PTPRD: variants seen among roughly 807,000 people sequenced by gnomAD.
The protein encoded by PTPRD is receptor-type tyrosine-protein phosphatase delta.
In PTPRD, 34 loss-of-function variants were observed where a neutral mutation model predicts 214.5. The observed-to-expected ratio is 0.16, with a 90% CI of 0.12 to 0.21. The LOEUF is 0.21. PTPRD is among the 10% of genes least tolerant of loss of function. The pLI, the probability that PTPRD is intolerant of heterozygous loss-of-function variation, is 1.00. For synonymous variants in PTPRD, 1,128 were observed against 845.7 expected, an observed-to-expected ratio of 1.33 and a Z score of -5.79; for missense variants, 2,545 against 2,398.7, an observed-to-expected ratio of 1.06 and a Z score of -1.27.
chr9:9,334,599 C>G (rs2043682528), intron 9 of PTPRD, among the ~76,000 whole-genome samples: 1 of 151,872 alleles, frequency 6.6e-6, no homozygotes, highest in Non-Finnish European at 1.5e-5. Context: ...GGATATGTCT[C>G]CTTATCTCTC....
chr9:9,081,551 G>C (rs956402403), intron 10 of PTPRD, among the ~76,000 whole-genome samples: 4 of 152,068 alleles, frequency 2.6e-5, no homozygotes, highest in African/African-American at 9.7e-5. Context: ...GAATATCCTT[G>C]TTAATTTTCT....
intron 3 of PTPRD, among the ~76,000 whole-genome samples, chr9:10,340,638 T>G (rs575211668): frequency 1.3e-5 from 2 of 151,878 alleles, no homozygotes; most frequent in Non-Finnish European, 2.9e-5. Flanking sequence ...AATAAAACCA[T>G]TTTTCTTACA....
chr9:9,019,281 GAAGAAAGAAAGA>G lies in PTPRD; in HGVS notation c.-142-558_-142-547del, dbSNP rs1234982087. ...TTATCAAGAAAGAAAGAAAAAGAAA[GAAGAAAGAAAGA>G]AAGAAAGAAAGAAAGAAAGAAAGAA... On this transcript the variant is annotated intron_variant, in intron 10 of 45. Coordinates refer to ENST00000381196, the MANE Select transcript of PTPRD (RefSeq NM_002839.4). 5.2e-3 allele frequency among the ~76,000 whole-genome samples: 374 copies of G among 72,176 alleles called. 1 individual carries two copies. Among genetic ancestry groups the G allele is most frequent in the Admixed American group, 0.019 (139 of 7,298 alleles). 47.4% of individuals were successfully genotyped at this position (72,176 alleles called of 152,430 possible).
intron 9 of PTPRD, among the ~76,000 whole-genome samples, chr9:9,189,097 C>G (rs1397039658): frequency 1.3e-5 from 2 of 151,918 alleles, no homozygotes; most frequent in Non-Finnish European, 2.9e-5. Flanking sequence ...GAATACAATT[C>G]CATTATTTTC....
chr9:10,132,030 T>C (rs1232091845), intron 3 of PTPRD, among the ~76,000 whole-genome samples: 1 of 152,098 alleles, frequency 6.6e-6, no homozygotes, highest in Non-Finnish European at 1.5e-5. Flanking sequence ...ATAACTACAG[T>C]GATAAAAGTA....
intron 6 of PTPRD, among the ~76,000 whole-genome samples, chr9:9,766,515 A>G (rs190434837): frequency 6.6e-6 from 1 of 152,290 alleles, no homozygotes; most frequent in East Asian, 1.9e-4. Context: ...GACATGTTAA[A>G]CATCTTTCAT....
chr9:9,232,492 T>A (rs1181082546), intron 9 of PTPRD, among the ~76,000 whole-genome samples: 1 of 152,266 alleles, frequency 6.6e-6, no homozygotes, highest in South Asian at 2.1e-4. Flanking sequence ...CACGATTCCA[T>A]CAATTGTTAA....
intron 39 of PTPRD, among the ~76,000 whole-genome samples, chr9:8,361,090 C>A (rs1216364586): frequency 6.6e-6 from 1 of 152,068 alleles, no homozygotes; most frequent in Non-Finnish European, 1.5e-5. Flanking sequence ...ATTATGTATG[C>A]CAATTATGAA....
chr9:9,499,351 G>A (rs540232924), intron 8 of PTPRD, among the ~76,000 whole-genome samples: 1 of 151,994 alleles, frequency 6.6e-6, no homozygotes, highest in South Asian at 2.1e-4. Context: ...CTCCTTCTGT[G>A]TGCTTTTCAC....
At chr9:9,477,898 T>C (rs2095180718) in intron 8 of PTPRD, among the ~76,000 whole-genome samples, 1 of 152,182 alleles carries the variant, frequency 6.6e-6, no homozygotes, top group Non-Finnish European at 1.5e-5. Context: ...TTTTATAACA[T>C]CTGTAATAAA....
chr9:9,620,736 G>A (rs982285557), intron 7 of PTPRD, among the ~76,000 whole-genome samples: 1 of 152,004 alleles, frequency 6.6e-6, no homozygotes, highest in Non-Finnish European at 1.5e-5. Context: ...CATAATATAT[G>A]TTAGCTCTTC....
chr9:10,332,482 A>G (rs975353367), intron 3 of PTPRD, among the ~76,000 whole-genome samples: 3 of 151,780 alleles, frequency 2.0e-5, no homozygotes, highest in African/African-American at 7.3e-5. Flanking sequence ...AGCAGAGAAA[A>G]AAACATCTTT....
At chr9:9,400,643 C>A (rs893297664) in intron 8 of PTPRD, among the ~76,000 whole-genome samples, 9 of 151,932 alleles carry the variant, frequency 5.9e-5, no homozygotes, top group Admixed American at 2.0e-4. Context: ...AGAAATCCTT[C>A]CAGTTAAAAC....
intron 9 of PTPRD, among the ~76,000 whole-genome samples, chr9:9,375,327 A>T (rs1442272459): frequency 6.6e-6 from 1 of 152,160 alleles, no homozygotes; most frequent in Non-Finnish European, 1.5e-5. Flanking sequence ...GGCTGGGCGC[A>T]GTGGCTCATG....
intron 24 of PTPRD, among the ~76,000 whole-genome samples, chr9:8,500,254 A>G (rs2097365119): frequency 6.6e-6 from 1 of 152,058 alleles, no homozygotes; most frequent in East Asian, 1.9e-4. Context: ...GAATAAAAAG[A>G]TTCTTGATTA....
intron 9 of PTPRD, among the ~76,000 whole-genome samples, chr9:9,313,965 T>C (rs1480096705): frequency 6.6e-6 from 1 of 152,132 alleles, no homozygotes; most frequent in African/African-American, 2.4e-5. Flanking sequence ...GCTCAGTATA[T>C]TTTAATGTTC....
chr9:9,400,812 A>C (rs1272470588), intron 8 of PTPRD, among the ~76,000 whole-genome samples: 1 of 152,084 alleles, frequency 6.6e-6, no homozygotes, highest in Non-Finnish European at 1.5e-5. Context: ...ACCTACAGAA[A>C]GTTTCTCTTA....
chr9:8,733,814 C>G lies in PTPRD; in HGVS notation c.30G>C (p.Leu10=), dbSNP rs1037836480. 9.0e-6 allele frequency: 14 copies of G among 1,552,208 alleles called. No homozygotes were observed. The highest frequency in any genetic ancestry group is 4.1e-5 in the African/African-American group (3 of 73,130). Residue 10 remains leucine (L), a synonymous_variant, in exon 12 of 46, where the codon CTG becomes CTC. Coordinates refer to ENST00000381196, the MANE Select transcript of PTPRD (RefSeq NM_002839.4). ...CCGTGCGGAGGAAGAAAGTGAGGAGCAGCAGCAGCAGCCTGGCTACGTGCA... is the reference window on the plus strand; with the variant it reads ...CCGTGCGGAGGAAGAAAGTGAGGAGGAGCAGCAGCAGCCTGGCTACGTGCA... The part of the protein sequence containing the change: MVHVARLLL[L]LLTFFLRTDA...
intron 2 of PTPRD, among the ~76,000 whole-genome samples, chr9:10,594,514 G>T (rs759980224): frequency 6.6e-6 from 1 of 151,984 alleles, no homozygotes; most frequent in Non-Finnish European, 1.5e-5. Flanking sequence ...TCTTTGAACT[G>T]CTGATTGCCT....
Sources: gnomAD v4.1 joint callset for allele counts (sites outside exome capture counted in the v4.1 genomes callset) on GRCh38, gnomAD v4.1.1 for gene constraint, MANE v1.5 for transcripts, NCBI Gene and HGNC (gene_info 2026-07-23, HGNC 2026-07-21) for gene names.